Variants in NCKAP5 observed in about 807,000 individuals in gnomAD.
NCKAP5 encodes the protein nck-associated protein 5.
A neutral mutation model predicts 167.0 loss-of-function variants in NCKAP5; 92 were observed. The observed-to-expected ratio is 0.55, with a 90% CI of 0.47 to 0.66. The LOEUF (loss-of-function observed/expected upper bound fraction) is 0.66. Ranked by LOEUF, NCKAP5 falls within the 30% of genes least tolerant of loss-of-function variation. The pLI is 0.00. For synonymous variants in NCKAP5, 891 were observed against 877.4 expected (o/e 1.02, Z -0.27); for missense variants, 2,378 against 2,315.0 (o/e 1.03, Z -0.56).
the NCKAP5 span, among the ~76,000 whole-genome samples, chr2:133,665,275 C>T: frequency 1.7e-4 from 26 of 152,224 alleles, no homozygotes; most frequent in Non-Finnish European, 1.9e-4. Flanking sequence ...TTTCACTAAG[C>T]TTAATCATTT....
intron 2 of NCKAP5, chr2:133,558,174 T>C: frequency 6.6e-6 from 1 of 152,382 alleles, no homozygotes; most frequent in Non-Finnish European, 1.5e-5. Flanking sequence ...GTAATGTGGA[T>C]GTGTTCTTTG....
intron 3 of NCKAP5, among the ~76,000 whole-genome samples, chr2:133,495,999 A>T (rs1167494385): frequency 1.3e-5 from 2 of 152,148 alleles, no homozygotes; most frequent in African/African-American, 2.4e-5. Flanking sequence ...AAGGTTATAA[A>T]TTTTTTTAAA....
chr2:133,068,180 T>C (rs557549433), intron 6 of NCKAP5, among the ~76,000 whole-genome samples: 10 of 152,208 alleles, frequency 6.6e-5, no homozygotes, highest in African/African-American at 2.4e-4. Context: ...GATAGAAGCT[T>C]AATGCTGATG....
intron 8 of NCKAP5, among the ~76,000 whole-genome samples, chr2:132,915,161 G>A (rs2148970895): frequency 6.6e-6 from 1 of 152,138 alleles, no homozygotes; most frequent in African/African-American, 2.4e-5. Flanking sequence ...CCATTTGATG[G>A]ATCTGCTAGA....
intron 2 of NCKAP5, among the ~76,000 whole-genome samples, chr2:133,555,138 C>T (rs1346097172): frequency 1.3e-5 from 2 of 152,228 alleles, no homozygotes; most frequent in African/African-American, 4.8e-5. Context: ...GTAGCATGAA[C>T]TGCTTCACCC....
the NCKAP5 span, among the ~76,000 whole-genome samples, chr2:133,668,818 C>G: frequency 6.6e-6 from 1 of 152,154 alleles, no homozygotes; most frequent in African/African-American, 2.4e-5. Context: ...TCCTTCCTAT[C>G]TTTCCTTTTT....
intron 2 of NCKAP5, chr2:133,527,315 T>G (rs953382129): frequency 6.6e-6 from 1 of 152,216 alleles, no homozygotes; most frequent in Non-Finnish European, 1.5e-5. Flanking sequence ...AATGTCTTTG[T>G]GCACAAGTGA....
rs1351327346 is a variant in NCKAP5 at position 133,260,270 on chromosome 2, T to G, written c.143+42767A>C. ...ACACATGGTAGGCACCTAATAACCA[T>G]CTGTTGAGTAAACTAATAAATGAAC... On this transcript the variant is annotated intron_variant, in intron 4 of 19. Transcript: ENST00000409261. 2.0e-5 allele frequency among the ~76,000 whole-genome samples: 3 copies of G among 152,270 alleles called. No individual in the cohort carries two copies. The East Asian group carries it at 5.8e-4, about 29-fold the overall frequency.
At chr2:133,044,875 T>C (rs930439100) in intron 6 of NCKAP5, among the ~76,000 whole-genome samples, 1 of 151,840 alleles carries the variant, frequency 6.6e-6, no homozygotes, top group African/African-American at 2.4e-5. Context: ...AGGAACAAAA[T>C]GTCACCCCAT....
intron 2 of NCKAP5, among the ~76,000 whole-genome samples, chr2:133,545,071 G>A (rs532097446): frequency 5.9e-5 from 9 of 152,256 alleles, no homozygotes; most frequent in Middle Eastern, 6.8e-3. Flanking sequence ...CCTACAAAAC[G>A]AGGGCTTATA....
chr2:133,142,793 G>C (rs1407000919), intron 5 of NCKAP5, among the ~76,000 whole-genome samples: 1 of 152,136 alleles, frequency 6.6e-6, no homozygotes, highest in African/African-American at 2.4e-5. Flanking sequence ...GCTGTGGACA[G>C]AGAAGATTCA....
At chr2:132,885,613 C>T (rs149515446) in intron 8 of NCKAP5, among the ~76,000 whole-genome samples, 15 of 152,276 alleles carry the variant, frequency 9.9e-5, no homozygotes, top group Non-Finnish European at 1.5e-5. Context: ...AAGAGCATCA[C>T]AGAGCAAATC....
intron 8 of NCKAP5, among the ~76,000 whole-genome samples, chr2:132,927,204 C>T (rs149495202): frequency 2.0e-5 from 3 of 152,220 alleles, no homozygotes; most frequent in African/African-American, 7.2e-5. Context: ...TCTGGGTTCT[C>T]TATTCTGTTT....
chr2:133,022,746 C>T lies in NCKAP5; in HGVS notation c.342-28507G>A, dbSNP rs114626683. On this transcript the variant is annotated intron_variant, in intron 6 of 19. Coordinates refer to ENST00000409261, the MANE Select transcript of NCKAP5 (RefSeq NM_207363.3). The stretch of plus-strand genomic sequence containing the variant: ...GGTTTGGGGATATTCACTTTTCCTT[C>T]CTTTGATGCCCTATGCATGTAATAA... Among the ~76,000 whole-genome samples the T allele has an allele frequency of 7.2e-3, 1,092 of 152,314 alleles. 5 individuals carry two copies. The highest frequency in any genetic ancestry group is 0.012 in the Non-Finnish European group (819 of 68,032).
chr2:132,841,523 G>T (rs928863660), intron 11 of NCKAP5, among the ~76,000 whole-genome samples: 1 of 151,926 alleles, frequency 6.6e-6, no homozygotes, highest in African/African-American at 2.4e-5. Flanking sequence ...TCATTTTCAC[G>T]TCTTATTACC....
chr2:132,949,911 T>C (rs1284406504), intron 8 of NCKAP5, among the ~76,000 whole-genome samples: 1 of 152,012 alleles, frequency 6.6e-6, no homozygotes, highest in Non-Finnish European at 1.5e-5. Context: ...CTGGCTAACA[T>C]AGTGAAACTC....
upstream of NCKAP5, among the ~76,000 whole-genome samples, chr2:133,573,108 G>A (rs1214532517): frequency 6.6e-6 from 1 of 152,152 alleles, no homozygotes; most frequent in East Asian, 1.9e-4. Context: ...CACATTGAGG[G>A]CCCCAAACGC....
chr2:133,017,704 T>C (rs2078385755), intron 6 of NCKAP5, among the ~76,000 whole-genome samples: 2 of 151,994 alleles, frequency 1.3e-5, no homozygotes, highest in African/African-American at 4.8e-5. Flanking sequence ...TTGGGACTTT[T>C]CTGTAAGGCA....
chr2:133,484,658 T>G (rs868565966), intron 3 of NCKAP5, among the ~76,000 whole-genome samples: 1 of 152,184 alleles, frequency 6.6e-6, no homozygotes, highest in Non-Finnish European at 1.5e-5. Flanking sequence ...AATAGTTCAA[T>G]GTACACAAAT....
Sources: gnomAD v4.1 joint callset for allele counts (sites outside exome capture counted in the v4.1 genomes callset) on GRCh38, gnomAD v4.1.1 for gene constraint, MANE v1.5 for transcripts, NCBI Gene and HGNC (gene_info 2026-07-23, HGNC 2026-07-21) for gene names.